PCDH15: variants seen among roughly 807,000 people sequenced by gnomAD.
PCDH15 encodes protocadherin related 15.
Under a neutral mutation model 178.5 loss-of-function variants are expected in PCDH15, and 129 were observed. The ratio of observed to expected loss-of-function variants is 0.72; its 90% CI spans 0.63 to 0.84. The LOEUF (loss-of-function observed/expected upper bound fraction) is 0.84. Among genes scored for constraint, PCDH15 ranks in the 40% least tolerant of loss-of-function variants. PCDH15 has a pLI of 0.00. For missense variants in PCDH15, 2,230 were observed against 2,099.9 expected (o/e 1.06, Z -1.21); for synonymous variants, 800 against 732.0 (o/e 1.09, Z -1.50).
At chr10:55,377,146 T>C (rs552460460) in intron 2 of PCDH15, among the ~76,000 whole-genome samples, 1 of 105,334 alleles carries the variant, frequency 9.5e-6, no homozygotes, top group African/African-American at 3.5e-5. Context: ...CTTTCTTCAC[T>C]AAAAAAAAAA....
intron 21 of PCDH15, among the ~76,000 whole-genome samples, chr10:53,976,508 T>TCATTATC (rs1313399830): frequency 1.3e-5 from 2 of 152,170 alleles, no homozygotes; most frequent in African/African-American, 4.8e-5. Flanking sequence ...GACTCTTGCA[T>TCATTATC]CATTATCCTC....
intron 3 of PCDH15, among the ~76,000 whole-genome samples, chr10:54,383,393 T>G (rs1268126876): frequency 6.6e-6 from 1 of 152,164 alleles, no homozygotes; most frequent in Non-Finnish European, 1.5e-5. Flanking sequence ...AAAAAAGTCA[T>G]ACTACTAAGA....
At chr10:54,189,964 T>G (rs1463325893) in intron 11 of PCDH15, among the ~76,000 whole-genome samples, 1 of 149,736 alleles carries the variant, frequency 6.7e-6, no homozygotes, top group Non-Finnish European at 1.5e-5. Context: ...TGTGTGTGTA[T>G]GGGTATATGT....
At chr10:55,416,106 AAGAC>A (rs1838477421) in intron 2 of PCDH15, among the ~76,000 whole-genome samples, 1 of 151,760 alleles carries the variant, frequency 6.6e-6, no homozygotes, top group Non-Finnish European at 1.5e-5. Flanking sequence ...CTCCCAAAGA[AAGAC>A]ATATATAATA....
intron 2 of PCDH15, among the ~76,000 whole-genome samples, chr10:55,146,475 C>T (rs1292924330): frequency 4.0e-5 from 6 of 151,896 alleles, no homozygotes; most frequent in East Asian, 1.9e-4. Context: ...TGGCAGCCTA[C>T]GCTTAGTTGT....
chr10:54,733,991 A>C (rs1221057470), intron 1 of PCDH15, among the ~76,000 whole-genome samples: 1 of 94,416 alleles, frequency 1.1e-5, no homozygotes, highest in Non-Finnish European at 2.5e-5. Flanking sequence ...AAAACTTTAC[A>C]AAAAAAAACA....
At chr10:54,513,017 T>C (rs900853969) in intron 3 of PCDH15, among the ~76,000 whole-genome samples, 1 of 152,034 alleles carries the variant, frequency 6.6e-6, no homozygotes, top group Non-Finnish European at 1.5e-5. Flanking sequence ...AATTATCTAA[T>C]ACCCCTAAAA....
intron 15 of PCDH15, among the ~76,000 whole-genome samples, chr10:54,118,812 T>C (rs2132825947): frequency 6.6e-6 from 1 of 152,126 alleles, no homozygotes; most frequent in East Asian, 1.9e-4. Context: ...TTAGAGACTT[T>C]GGTGCGCCTC....
At chr10:54,371,309 C>T (rs1947635124) in intron 4 of PCDH15, among the ~76,000 whole-genome samples, 1 of 151,678 alleles carries the variant, frequency 6.6e-6, no homozygotes, top group Non-Finnish European at 1.5e-5. Flanking sequence ...TACATGACAG[C>T]ACTGTAAATG....
At chr10:54,065,078 C>G (rs538469264) in intron 18 of PCDH15, among the ~76,000 whole-genome samples, 1 of 152,320 alleles carries the variant, frequency 6.6e-6, no homozygotes, top group East Asian at 1.9e-4. Flanking sequence ...TGACTCAGTG[C>G]CCTTCTATCA....
At chr10:54,228,720 C>A (rs552569957) in intron 9 of PCDH15, among the ~76,000 whole-genome samples, 55 of 152,230 alleles carry the variant, frequency 3.6e-4, no homozygotes, top group Non-Finnish European at 7.8e-4. Context: ...CTTCCTCTGC[C>A]TTTTTGTTCT....
At chr10:55,052,459 G>T (rs1180853451) in intron 2 of PCDH15, among the ~76,000 whole-genome samples, 2 of 147,770 alleles carry the variant, frequency 1.4e-5, no homozygotes, top group Non-Finnish European at 3.0e-5. Context: ...CAGCACTTTG[G>T]GAGGCTGATG....
At chr10:54,139,336 T>G (rs2043178238) in intron 14 of PCDH15, among the ~76,000 whole-genome samples, 1 of 152,148 alleles carries the variant, frequency 6.6e-6, no homozygotes, top group African/African-American at 2.4e-5. Context: ...AAAAGCTAAC[T>G]TTAAATGATG....
intron 21 of PCDH15, among the ~76,000 whole-genome samples, chr10:53,993,839 G>A (rs1173914495): frequency 6.6e-6 from 1 of 152,000 alleles, no homozygotes; most frequent in Non-Finnish European, 1.5e-5. Flanking sequence ...GTGTTTCCAG[G>A]GGCAAAACTG....
At chr10:53,905,660 G>C (rs1371811467) in intron 25 of PCDH15, among the ~76,000 whole-genome samples, 3 of 152,002 alleles carry the variant, frequency 2.0e-5, no homozygotes, top group African/African-American at 7.2e-5. Context: ...AATACCATGT[G>C]TATATTCATA....
At chr10:55,069,314 A>C (rs1039729849) in intron 2 of PCDH15, among the ~76,000 whole-genome samples, 1 of 144,362 alleles carries the variant, frequency 6.9e-6, no homozygotes, top group African/African-American at 2.6e-5. Flanking sequence ...TTTAGGGTAC[A>C]TGTGCACAAT....
At chr10:54,688,864 C>T (rs948012691) in intron 1 of PCDH15, among the ~76,000 whole-genome samples, 5 of 152,022 alleles carry the variant, frequency 3.3e-5, no homozygotes, top group Non-Finnish European at 5.9e-5. Context: ...AGAACCAAAG[C>T]TTTACTTGTT....
At chr10:55,545,612 T>C (rs928823637) in intron 2 of PCDH15, among the ~76,000 whole-genome samples, 2 of 151,710 alleles carry the variant, frequency 1.3e-5, no homozygotes, top group Non-Finnish European at 2.9e-5. Context: ...GGTTTCACCA[T>C]GTTGGCCAGA....
intron 2 of PCDH15, among the ~76,000 whole-genome samples, chr10:55,451,251 C>T (rs927634374): frequency 1.3e-5 from 2 of 152,076 alleles, no homozygotes; most frequent in Non-Finnish European, 2.9e-5. Flanking sequence ...GTAATCCCAG[C>T]ACTTTGGGAG....
Sources: allele counts gnomAD v4.1 joint callset (sites outside exome capture counted in the v4.1 genomes callset), GRCh38; gene constraint gnomAD v4.1.1; transcripts MANE v1.5; gene names NCBI Gene and HGNC (gene_info 2026-07-23, HGNC 2026-07-21).